SLC24A2: variants seen among roughly 807,000 people sequenced by gnomAD.
The protein encoded by SLC24A2 is sodium/potassium/calcium exchanger 2.
SLC24A2 carries 36 observed loss-of-function variants against 62.0 expected under a neutral mutation model. The observed-to-expected ratio is 0.58, with a 90% CI of 0.44 to 0.77. SLC24A2 has a LOEUF of 0.77. Among genes scored for constraint, SLC24A2 ranks in the 30% least tolerant of loss-of-function variants. SLC24A2 has a pLI of 0.00. For missense variants in SLC24A2, 846 were observed against 817.9 expected (o/e 1.03, Z -0.42); for synonymous variants, 358 against 294.0 (o/e 1.22, Z -2.23).
At chr9:19,601,325 C>T (rs554183895) in intron 4 of SLC24A2, among the ~76,000 whole-genome samples, 150 of 152,298 alleles carry the variant, frequency 9.8e-4, no homozygotes, top group African/African-American at 3.5e-3. Flanking sequence ...TCTGATAGGA[C>T]AGAAATCGAA....
intron 6 of SLC24A2, among the ~76,000 whole-genome samples, chr9:19,574,797 T>C (rs983548646): frequency 6.6e-6 from 1 of 152,014 alleles, no homozygotes; most frequent in Non-Finnish European, 1.5e-5. Context: ...GCGAGGGAAA[T>C]TAAAAGGTTC....
the SLC24A2 span, among the ~76,000 whole-genome samples, chr9:20,118,865 G>A: frequency 6.6e-6 from 1 of 151,986 alleles, no homozygotes; most frequent in Non-Finnish European, 1.5e-5. Flanking sequence ...AGTGCAGATG[G>A]GTACTGTGAC....
the SLC24A2 span, among the ~76,000 whole-genome samples, chr9:20,286,278 A>G: frequency 5.9e-5 from 9 of 152,336 alleles, no homozygotes; most frequent in South Asian, 1.7e-3. Flanking sequence ...CTCATATTCA[A>G]TAACTACAGA....
the SLC24A2 span, among the ~76,000 whole-genome samples, chr9:19,934,577 C>G: frequency 3.3e-5 from 5 of 152,336 alleles, no homozygotes; most frequent in Admixed American, 1.3e-4. The surrounding 1 kb of genome is among the most constrained non-coding windows in gnomAD (Gnocchi z 4.1). Flanking sequence ...CGCTGCCTGC[C>G]AGGCAGCGTG....
chr9:19,984,297 AAAG>A, the SLC24A2 span, among the ~76,000 whole-genome samples: 9 of 152,200 alleles, frequency 5.9e-5, no homozygotes, highest in East Asian at 1.5e-3. Flanking sequence ...TAATATTGAA[AAAG>A]AAGAATATTG....
the SLC24A2 span, among the ~76,000 whole-genome samples, chr9:19,938,857 G>A: frequency 1.3e-5 from 2 of 152,130 alleles, no homozygotes; most frequent in East Asian, 1.9e-4. Context: ...TAAAACTTTG[G>A]CATCCGCTAC....
chr9:20,143,557 CTG>C, the SLC24A2 span, among the ~76,000 whole-genome samples: 1 of 152,164 alleles, frequency 6.6e-6, no homozygotes, highest in Non-Finnish European at 1.5e-5. Context: ...GAGCCACAGA[CTG>C]TGTTTTATAC....
chr9:20,304,533 T>A, the SLC24A2 span, among the ~76,000 whole-genome samples: 1 of 152,228 alleles, frequency 6.6e-6, no homozygotes, highest in Non-Finnish European at 1.5e-5. Flanking sequence ...ATGCGTAAGT[T>A]TGGAAAGTTT....
chr9:20,083,796 A>G, the SLC24A2 span, among the ~76,000 whole-genome samples: 4 of 152,228 alleles, frequency 2.6e-5, no homozygotes, highest in Admixed American at 2.0e-4. Flanking sequence ...AGCCTGATAT[A>G]AATTGGCATA....
At chr9:20,030,986 A>G in the SLC24A2 span, among the ~76,000 whole-genome samples, 1 of 152,024 alleles carries the variant, frequency 6.6e-6, no homozygotes, top group African/African-American at 2.4e-5. Flanking sequence ...TGAGGAAAAG[A>G]TTTGCTAGAC....
At chr9:19,636,371 C>CTTTCTTTCTTTCTTTCT (rs1818347811) in intron 2 of SLC24A2, among the ~76,000 whole-genome samples, 1 of 33,550 alleles carries the variant, frequency 3.0e-5, no homozygotes, top group Non-Finnish European at 5.7e-5. Flanking sequence ...TTCTTTCTTT[C>CTTTCTTTCTTTCTTTCT]TTTCTTTCTT....
At chr9:19,865,932 T>C in the SLC24A2 span, among the ~76,000 whole-genome samples, 1 of 152,100 alleles carries the variant, frequency 6.6e-6, no homozygotes, top group Non-Finnish European at 1.5e-5. Flanking sequence ...TGGGAGACAA[T>C]ATTTGCAAAC....
At chr9:19,839,742 G>C in the SLC24A2 span, among the ~76,000 whole-genome samples, 1 of 152,140 alleles carries the variant, frequency 6.6e-6, no homozygotes, top group Non-Finnish European at 1.5e-5. Context: ...AATTATAGTA[G>C]TAATGAGCTG....
chr9:19,555,916 G>A (rs1256210717), intron 7 of SLC24A2, among the ~76,000 whole-genome samples: 1 of 152,144 alleles, frequency 6.6e-6, no homozygotes, highest in Non-Finnish European at 1.5e-5. Context: ...CTGCACTCTA[G>A]CCTGGCAACA....
At chr9:19,767,434 G>C (rs1223524609) in intron 2 of SLC24A2, among the ~76,000 whole-genome samples, 1 of 152,226 alleles carries the variant, frequency 6.6e-6, no homozygotes, top group African/African-American at 2.4e-5. Context: ...TTGTGGTATA[G>C]GCAACTGAGG....
intron 2 of SLC24A2, among the ~76,000 whole-genome samples, chr9:19,641,720 G>T (rs1047741501): frequency 6.6e-6 from 1 of 151,894 alleles, no homozygotes; most frequent in African/African-American, 2.4e-5. Context: ...AAACATTTTT[G>T]AATACTTAAC....
At chr9:20,123,665 A>G in the SLC24A2 span, among the ~76,000 whole-genome samples, 1 of 152,238 alleles carries the variant, frequency 6.6e-6, no homozygotes, top group African/African-American at 2.4e-5. Context: ...CTGAGCTAAT[A>G]TAAGCAAAGT....
intron 2 of SLC24A2, among the ~76,000 whole-genome samples, chr9:19,636,180 G>T (rs1818306787): frequency 6.6e-6 from 1 of 151,848 alleles, no homozygotes; most frequent in Non-Finnish European, 1.5e-5. Context: ...ACTGCTGTTT[G>T]GTATTGGCTT....
At chr9:19,553,779 G>T (rs1834953337) in intron 7 of SLC24A2, among the ~76,000 whole-genome samples, 1 of 152,230 alleles carries the variant, frequency 6.6e-6, no homozygotes, top group Admixed American at 6.5e-5. Flanking sequence ...TGCTTTCAAG[G>T]AGTCTTGGAT....
Sources: gnomAD v4.1 joint callset for allele counts (sites outside exome capture counted in the v4.1 genomes callset) on GRCh38, gnomAD v4.1.1 for gene constraint, Gnocchi (gnomAD v3.1) non-coding constraint, MANE v1.5 for transcripts, NCBI Gene and HGNC (gene_info 2026-07-23, HGNC 2026-07-21) for gene names.